The following PRDM11 variants were observed in gnomAD, a reference collection of about 807,000 sequenced individuals.
The protein encoded by PRDM11 is PR/SET domain 11.
In PRDM11, 20 loss-of-function variants were observed where a neutral mutation model predicts 97.8. That is an observed-to-expected ratio of 0.20 (90% CI 0.14 to 0.30). The LOEUF is 0.30. PRDM11 is among the 10% of genes least tolerant of loss of function. The pLI, the probability that PRDM11 is intolerant of heterozygous loss-of-function variation, is 1.00. For missense variants in PRDM11, 1,139 were observed against 1,555.2 expected (o/e 0.73, Z 4.50); for synonymous variants, 599 against 637.7 (o/e 0.94, Z 0.91).
At chr11:45,100,808 G>A (rs1851959934) in intron 1 of PRDM11, among the ~76,000 whole-genome samples, 1 of 152,158 alleles carries the variant, frequency 6.6e-6, no homozygotes, top group Admixed American at 6.5e-5. Context: ...TATATATTTT[G>A]CATATTTTCT....
intron 1 of PRDM11, among the ~76,000 whole-genome samples, chr11:45,165,925 G>A (rs1852053401): frequency 6.6e-6 from 1 of 152,156 alleles, no homozygotes; most frequent in Non-Finnish European, 1.5e-5. Context: ...CTGCCACCTG[G>A]GAGTAGAGAA....
intron 1 of PRDM11, among the ~76,000 whole-genome samples, chr11:45,097,157 T>G (rs1414660020): frequency 6.6e-6 from 1 of 152,230 alleles, no homozygotes; most frequent in Non-Finnish European, 1.5e-5. Flanking sequence ...TACCTCCAAC[T>G]TCAGCATCCT....
chr11:45,187,665 C>T (rs1852754508), intron 4 of PRDM11, among the ~76,000 whole-genome samples: 1 of 152,170 alleles, frequency 6.6e-6, no homozygotes, highest in Non-Finnish European at 1.5e-5. Context: ...AGCCAGCAGC[C>T]AGCAGATGGG....
intron 1 of PRDM11, among the ~76,000 whole-genome samples, chr11:45,154,929 C>A (rs1181486703): frequency 2.0e-5 from 3 of 152,204 alleles, no homozygotes; most frequent in African/African-American, 7.2e-5. Flanking sequence ...AGAATGGGGA[C>A]CCCAGAGAGT....
intron 1 of PRDM11, among the ~76,000 whole-genome samples, chr11:45,109,467 C>T (rs931486803): frequency 1.5e-4 from 23 of 152,198 alleles, no homozygotes; most frequent in African/African-American, 5.3e-4. Flanking sequence ...CCTGTCTCTA[C>T]CATGCACAGA....
At chr11:45,134,701 G>GAAAAAAAAAAAAAAAAAAAAAAAAAA (rs1191008824) in intron 1 of PRDM11, among the ~76,000 whole-genome samples, 3 of 44,262 alleles carry the variant, frequency 6.8e-5, no homozygotes, top group African/African-American at 2.1e-4. Flanking sequence ...CCTGTCTCAC[G>GAAAAAAAAAAAAAAAAAAAAAAAAAA]AAAAAAAAAA....
intron 4 of PRDM11, among the ~76,000 whole-genome samples, chr11:45,196,716 G>A (rs917325396): frequency 4.6e-5 from 7 of 152,194 alleles, no homozygotes; most frequent in African/African-American, 1.7e-4. Context: ...TGTGGTCAGG[G>A]TAGCGGGTGG....
intron 5 of PRDM11, among the ~76,000 whole-genome samples, chr11:45,208,690 T>C (rs947589772): frequency 6.6e-5 from 10 of 152,124 alleles, no homozygotes; most frequent in African/African-American, 2.4e-4. Context: ...ACGCCGTCTC[T>C]TCTTTCCACC....
chr11:45,125,596 T>C (rs895441722), intron 1 of PRDM11, among the ~76,000 whole-genome samples: 2 of 152,244 alleles, frequency 1.3e-5, no homozygotes, highest in Non-Finnish European at 2.9e-5. Context: ...TTTTGTTATG[T>C]ACCCAGTAGT....
At chr11:45,147,290 ACGGGG>A (rs1445892112) in intron 1 of PRDM11, 2 of 150,704 alleles carry the variant, frequency 1.3e-5, no homozygotes, top group South Asian at 2.1e-4. Flanking sequence ...GGTGACACGG[ACGGGG>A]CGGGGCGCGG....
intron 1 of PRDM11, among the ~76,000 whole-genome samples, chr11:45,129,404 T>C (rs1475000373): frequency 1.3e-5 from 2 of 152,042 alleles, no homozygotes; most frequent in African/African-American, 4.8e-5. Context: ...TTCAAAAGGG[T>C]CTATAAACAA....
At chr11:45,209,609 C>T (rs1004231556) in intron 5 of PRDM11, among the ~76,000 whole-genome samples, 1 of 152,124 alleles carries the variant, frequency 6.6e-6, no homozygotes, top group Non-Finnish European at 1.5e-5. Context: ...AATAATTGCA[C>T]GAGTAAACTG....
intron 1 of PRDM11, among the ~76,000 whole-genome samples, chr11:45,172,018 G>C (rs1267672762): frequency 6.6e-6 from 1 of 152,210 alleles, no homozygotes; most frequent in Non-Finnish European, 1.5e-5. Flanking sequence ...ATAAGTCCCA[G>C]GGGACTTGTA....
intron 2 of PRDM11, 48 bp from the exon 3 acceptor site, chr11:45,182,198 C>T: frequency 1.3e-6 from 2 of 1,559,290 alleles, no homozygotes; most frequent in South Asian, 1.1e-5. Context: ...TGGGCTCTCA[C>T]TCTCTGATGA....
Position 45,226,516 on chromosome 11 carries a change from G to A in PRDM11, c.1891G>A (p.Gly631Arg). 6.5e-7 allele frequency: 1 copy of A among 1,533,942 alleles called. No homozygotes were observed. The highest frequency in any genetic ancestry group is 8.7e-7 in the Non-Finnish European group (1 of 1,146,732). The change falls in exon 8 of 8, where the codon GGA becomes AGA. Residue 631 changes from glycine to arginine, a missense_variant. Physicochemically the swap from Gly to Arg is moderately radical, Grantham distance 125 (BLOSUM62 -2). Coordinates refer to ENST00000683152, the MANE Select transcript of PRDM11 (RefSeq NM_001384648.1). ...GGTGGTGGACCAGTACATGAATGAG[G>A]GAGACTGCCAGATCCTCATCCATCA... is the stretch of plus-strand genomic sequence containing the variant. ...LKVVDQYMNE[G>R]DCQILIHHIA...
chr11:45,227,939 G>A lies in PRDM11; in HGVS notation c.3314G>A (p.Arg1105His), dbSNP rs1186300554. The A allele has an allele frequency of 1.3e-5, 20 of 1,533,862 alleles. No individual in the cohort carries two copies. Among genetic ancestry groups the A allele is most frequent in the Admixed American group, 2.0e-5 (1 of 50,974 alleles). Residue 1105 changes from arginine to histidine, a missense_variant, in exon 8 of 8, where the codon CGC becomes CAC. Around this residue, in one of 2 missense-constraint regions of PRDM11, gnomAD observed 710 missense variants for 1,044.9 expected, o/e 0.68. Transcript: ENST00000683152. The surrounding 1 kb of genome is among the most constrained non-coding windows in gnomAD (Gnocchi z 8.0). ...LQRVRKNHRSRLTLEQLSDLL... is the reference protein window; with the variant it reads ...LQRVRKNHRSHLTLEQLSDLL... ...CGAGTTCGCAAAAACCACCGCTCCC[G>A]CCTGACCCTGGAGCAGCTTAGCGAC...
intron 5 of PRDM11, among the ~76,000 whole-genome samples, chr11:45,210,913 G>A (rs1401599991): frequency 6.6e-6 from 1 of 152,158 alleles, no homozygotes; most frequent in African/African-American, 2.4e-5. Context: ...AGTAAAGCCT[G>A]TTCCCTGCAT....
chr11:45,219,256 TATA>T lies in PRDM11; in HGVS notation c.555-310_555-308del, dbSNP rs1349059645. On this transcript the variant is annotated intron_variant, in intron 5 of 7. Coordinates refer to ENST00000683152, the MANE Select transcript of PRDM11 (RefSeq NM_001384648.1). This position sits in a 1 kb window ranked among gnomAD's most constrained non-coding sequence, Gnocchi z 4.2. ...ATAACCTTTCAGTTTTTCAATCACTTATAATATTTAGTTGATATATTTTCCATA... is the reference window on the plus strand; with the variant it reads ...ATAACCTTTCAGTTTTTCAATCACTTATATTTAGTTGATATATTTTCCATA... Among the ~76,000 whole-genome samples the T allele has an allele frequency of 6.6e-6, 1 of 152,128 alleles. No homozygotes were observed. Among genetic ancestry groups the T allele is most frequent in the East Asian group, 1.9e-4 (1 of 5,186 alleles).
At chr11:45,105,487 C>G (rs545761126) in intron 1 of PRDM11, among the ~76,000 whole-genome samples, 2 of 152,328 alleles carry the variant, frequency 1.3e-5, no homozygotes, top group South Asian at 4.1e-4. Flanking sequence ...CACCAGGCCT[C>G]GAGGGGAACC....
Sources: allele counts gnomAD v4.1 joint callset (sites outside exome capture counted in the v4.1 genomes callset), GRCh38; gene constraint gnomAD v4.1.1; regional missense constraint gnomAD v4.1.1; non-coding constraint Gnocchi (gnomAD v3.1); transcripts MANE v1.5; gene names NCBI Gene and HGNC (gene_info 2026-07-23, HGNC 2026-07-21).